The following ZNF331 variants were observed in gnomAD, a reference collection of about 807,000 sequenced individuals.
The protein encoded by ZNF331 is C2H2-like zinc finger protein rearranged in thyroid adenomas.
Under a neutral mutation model 7.0 loss-of-function variants are expected in ZNF331, and 2 were observed. The observed-to-expected ratio is 0.29, with a 90% CI of 0.12 to 0.90. The LOEUF is 0.90. Among genes scored for constraint, ZNF331 ranks in the 40% least tolerant of loss-of-function variants. ZNF331 has a pLI of 0.58. For missense variants in ZNF331, 432 were observed against 587.7 expected, an observed-to-expected ratio of 0.74 and a Z score of 2.74; for synonymous variants, 196 against 205.4, an observed-to-expected ratio of 0.95 and a Z score of 0.39.
intron 2 of ZNF331, among the ~76,000 whole-genome samples, chr19:53,530,516 G>T (rs2087496668): frequency 6.6e-6 from 1 of 152,230 alleles, no homozygotes; most frequent in South Asian, 2.1e-4. Context: ...TTTATAACTT[G>T]TATTTTTCTA....
chr19:53,578,628 A>G lies in ZNF331; in HGVS notation c.*676A>G, dbSNP rs1293192700. On this transcript the variant is annotated 3_prime_UTR_variant, in exon 6 of 6. Transcript: ENST00000449416. ...TATATGTACAGGAAAAAAACGTACT[A>G]TCTGTGGTTTCAGGTGTCCACTGCG... 2 of 204,668 alleles carry G rather than the reference A, an allele frequency of 9.8e-6. No homozygotes were observed. The highest frequency in any genetic ancestry group is 2.3e-5 in the African/African-American group (1 of 43,668). The allele number at this position is 204,668 out of a possible 1,614,324, so 12.7% of individuals were successfully genotyped here.
At chr19:53,506,348 A>G in the ZNF331 span, among the ~76,000 whole-genome samples, 2,311 of 145,972 alleles carry the variant, frequency 0.016, 74 homozygotes, top group African/African-American at 0.037. Flanking sequence ...AAAAAAAAAA[A>G]AAAAGAAAAG....
chr19:53,520,719 GT>G (rs2087036740), upstream of ZNF331, among the ~76,000 whole-genome samples: 1 of 152,236 alleles, frequency 6.6e-6, no homozygotes, highest in Non-Finnish European at 1.5e-5. Flanking sequence ...GCCGTGTGCA[GT>G]TGCCTGCAGG....
chr19:53,526,904 A>G (rs2087320560), intron 2 of ZNF331, among the ~76,000 whole-genome samples: 2 of 151,780 alleles, frequency 1.3e-5, no homozygotes, highest in African/African-American at 4.8e-5. Flanking sequence ...TATAAGAAAT[A>G]TAACTTGCTG....
In ZNF331 at chr19:53,576,682, GTTC is replaced by G; in HGVS notation, c.137-12_137-10del. On this transcript the variant is annotated splice_polypyrimidine_tract_variant and intron_variant, in intron 5 of 5. Coordinates refer to ENST00000449416, the MANE Select transcript of ZNF331 (RefSeq NM_001079906.2). Reference sequence around the variant, plus strand: ...TGTCCCTCTAAAGGAAAGAAAATATGTTCTTTTTTCCCAGATTTGGAGTCAGCA... The same window carrying G: ...TGTCCCTCTAAAGGAAAGAAAATATGTTTTTTCCCAGATTTGGAGTCAGCA... 1 of 1,583,254 alleles carries G rather than the reference GTTC, an allele frequency of 6.3e-7. No individual in the cohort carries two copies. Among genetic ancestry groups the G allele is most frequent in the South Asian group, 1.2e-5 (1 of 85,940 alleles).
At chr19:53,536,050 C>T (rs1362306118), upstream of ZNF331, among the ~76,000 whole-genome samples, 6 of 152,238 alleles carry the variant, frequency 3.9e-5, no homozygotes, top group East Asian at 1.2e-3. Flanking sequence ...GTGATCCGCT[C>T]ACCTTGGCTT....
In ZNF331 at chr19:53,577,577, T is replaced by C. The variant is rs758754306; in HGVS notation, c.1017T>C (p.Gly339=). 6.2e-7 allele frequency: 1 copy of C among 1,601,196 alleles called. No homozygotes were observed. Among genetic ancestry groups the C allele is most frequent in the South Asian group, 1.1e-5 (1 of 90,522 alleles). The part of the protein sequence containing the change: ...CKECGKAFRW[G]SSLVKHERIH... ...AGTGTGGGAAGGCCTTTCGCTGGGG[T>C]TCGAGCCTCGTTAAGCACGAGAGGA... Residue 339 remains glycine, a synonymous_variant, in exon 6 of 6, where the codon GGT becomes GGC. Coordinates refer to ENST00000449416, the MANE Select transcript of ZNF331 (RefSeq NM_001079906.2).
intron 2 of ZNF331, among the ~76,000 whole-genome samples, chr19:53,552,048 A>G (rs1429432995): frequency 1.3e-5 from 2 of 152,162 alleles, no homozygotes; most frequent in Non-Finnish European, 2.9e-5. Context: ...TTCCATGATT[A>G]TATGTACAAG....
exon 1 of ZNF331, chr19:53,521,321 A>AGTGTGTGT (rs766042196): frequency 6.7e-5 from 6 of 89,752 alleles, no homozygotes; most frequent in Admixed American, 3.3e-4. Context: ...GGGAAGTGGG[A>AGTGTGTGT]GTGTGTGTGA....
intron 4 of ZNF331, among the ~76,000 whole-genome samples, chr19:53,570,396 C>CT (rs1293645516): frequency 6.6e-6 from 1 of 152,120 alleles, no homozygotes; most frequent in African/African-American, 2.4e-5. Flanking sequence ...TTTGGGCAAC[C>CT]TAAGTGAATA....
At chr19:53,541,110 CTT>C (rs56706446) in intron 2 of ZNF331, among the ~76,000 whole-genome samples, 7 of 139,372 alleles carry the variant, frequency 5.0e-5, no homozygotes, top group Admixed American at 2.2e-4. Flanking sequence ...TATTTCTTTT[CTT>C]TTTTTTTTTT....
At chr19:53,552,452 C>T (rs990177036) in intron 2 of ZNF331, among the ~76,000 whole-genome samples, 12 of 152,110 alleles carry the variant, frequency 7.9e-5, no homozygotes, top group African/African-American at 2.9e-4. Flanking sequence ...GGTGCAGTGG[C>T]CCTTGCTTGT....
chr19:53,515,884 G>A (rs1276272489), upstream of ZNF331, among the ~76,000 whole-genome samples: 4 of 152,050 alleles, frequency 2.6e-5, no homozygotes, highest in South Asian at 2.1e-4. Flanking sequence ...GCCAAGACAC[G>A]GAAACAACCT....
the ZNF331 span, among the ~76,000 whole-genome samples, chr19:53,514,432 C>T: frequency 6.6e-6 from 1 of 151,952 alleles, no homozygotes; most frequent in Non-Finnish European, 1.5e-5. Flanking sequence ...AACTCCTGAC[C>T]TCAGGTGATC....
At chr19:53,556,741 A>C (rs1482000962) in intron 3 of ZNF331, among the ~76,000 whole-genome samples, 2 of 152,078 alleles carry the variant, frequency 1.3e-5, no homozygotes, top group Admixed American at 6.6e-5. Flanking sequence ...GGGCTCAAGC[A>C]ATCTTCCCAC....
intron 1 of ZNF331, chr19:53,522,101 G>A (rs542987915): frequency 1.3e-5 from 2 of 152,278 alleles, no homozygotes; most frequent in Non-Finnish European, 2.9e-5. Context: ...GACATGGGAG[G>A]CGGGGAGGTG....
At chr19:53,513,232 C>T in the ZNF331 span, among the ~76,000 whole-genome samples, 1,832 of 151,736 alleles carry the variant, frequency 0.012, 3 homozygotes, top group Non-Finnish European at 0.017. Context: ...GACCCTCATA[C>T]GGCTGACGTG....
chr19:53,544,086 G>C (rs1240671375), intron 2 of ZNF331, among the ~76,000 whole-genome samples: 1 of 151,110 alleles, frequency 6.6e-6, no homozygotes, highest in African/African-American at 2.5e-5. Flanking sequence ...AATTGGCTGG[G>C]CGTGGTGGCA....
rs1427494193 is a variant in ZNF331 at position 53,573,344 on chromosome 19, A to G, written c.136+1614A>G. ...AGCTTGGCCAACAGAGTGAAACCCC[A>G]TCTCTCCTGAAAATACAAAAATTTG... On this transcript the variant is annotated intron_variant, in intron 5 of 5. Transcript: ENST00000449416. The surrounding 1 kb of genome is among the most constrained non-coding windows in gnomAD (Gnocchi z 4.2). Among the ~76,000 whole-genome samples the G allele has an allele frequency of 1.3e-5, 2 of 149,750 alleles. No individual in the cohort carries two copies. Among genetic ancestry groups the G allele is most frequent in the Admixed American group, 6.7e-5 (1 of 14,996 alleles).
Sources: gnomAD v4.1 joint callset for allele counts (sites outside exome capture counted in the v4.1 genomes callset) on GRCh38, gnomAD v4.1.1 for gene constraint, Gnocchi (gnomAD v3.1) non-coding constraint, MANE v1.5 for transcripts, NCBI Gene and HGNC (gene_info 2026-07-23, HGNC 2026-07-21) for gene names.